ABCC3: variants seen among roughly 807,000 people sequenced by gnomAD.
ABCC3 encodes the protein ATP binding cassette subfamily C member 3.
ABCC3 carries 121 observed loss-of-function variants against 165.3 expected under a neutral mutation model. The observed-to-expected ratio is 0.73, with a 90% CI of 0.63 to 0.85. ABCC3 has a LOEUF of 0.85. Ranked by LOEUF, ABCC3 falls within the 40% of genes least tolerant of loss-of-function variation. The probability of loss-of-function intolerance (pLI) is 0.00; values close to 1 mark genes in which losing one functional copy is unlikely to be tolerated. For missense variants in ABCC3, 1,869 were observed against 1,964.1 expected (o/e 0.95, Z 0.92); for synonymous variants, 733 against 810.1 (o/e 0.90, Z 1.62).
intron 17 of ABCC3, among the ~76,000 whole-genome samples, chr17:50,671,558 G>A (rs888825014): frequency 2.6e-5 from 4 of 152,034 alleles, no homozygotes; most frequent in Non-Finnish European, 5.9e-5. Flanking sequence ...GTACAGTTAC[G>A]GAGGCTGAAG....
chr17:50,635,212 C>T, intron 1 of ABCC3: 1 of 622,454 alleles, frequency 1.6e-6, no homozygotes. Context: ...TTCCCGGCTG[C>T]AGCACTGGGG....
At chr17:50,660,808 A>T in intron 7 of ABCC3, 115 bp from the exon 8 acceptor site, 1 of 812,832 alleles carries the variant, frequency 1.2e-6, no homozygotes, top group East Asian at 2.7e-5. Flanking sequence ...CAGCTCTGAG[A>T]GCCAAGAAAA....
intron 17 of ABCC3, 35 bp from the exon 18 acceptor site, chr17:50,672,936 T>C: frequency 6.2e-7 from 1 of 1,604,170 alleles, no homozygotes; most frequent in Non-Finnish European, 8.5e-7. Context: ...TGTGCCTGTC[T>C]GACCCCATTT....
rs768308925 is a variant in ABCC3 at position 50,667,855 on chromosome 17, C to A, written c.1636-8C>A. ...ACTCTACCCTGACACCACCTCCACG[C>A]TGCTCAGGTGACCCTGATCACCCTC... On this transcript the variant is annotated splice_region_variant and splice_polypyrimidine_tract_variant and intron_variant, in intron 12 of 30. Transcript: ENST00000285238. The A allele has an allele frequency of 6.2e-7, 1 of 1,613,946 alleles. No individual in the cohort carries two copies. Among genetic ancestry groups the A allele is most frequent in the South Asian group, 1.1e-5 (1 of 91,064 alleles).
intron 11 of ABCC3, among the ~76,000 whole-genome samples, chr17:50,666,938 G>A (rs1457718158): frequency 6.6e-6 from 1 of 152,240 alleles, no homozygotes; most frequent in Non-Finnish European, 1.5e-5. Context: ...CAGGGAAGGG[G>A]ACCAGGTGTG....
At chr17:50,684,144 G>T (rs775210301) in intron 28 of ABCC3, 37 bp downstream of exon 28, 1 of 1,601,476 alleles carries the variant, frequency 6.2e-7, no homozygotes. Flanking sequence ...ACTCACCAAC[G>T]GCCCTGGAGG....
chr17:50,666,658 G>A (rs1967532770), intron 11 of ABCC3, among the ~76,000 whole-genome samples: 1 of 152,192 alleles, frequency 6.6e-6, no homozygotes, highest in Non-Finnish European at 1.5e-5. Flanking sequence ...TCCCCCATCA[G>A]ATCGTCAGCT....
At chr17:50,649,103 C>T (rs1236269543) in intron 1 of ABCC3, among the ~76,000 whole-genome samples, 1 of 138,128 alleles carries the variant, frequency 7.2e-6, no homozygotes, top group African/African-American at 2.6e-5. Context: ...CAGAGGGAGA[C>T]TCCATCTCAA....
At chr17:50,667,376 C>T (rs544275630) in intron 11 of ABCC3, among the ~76,000 whole-genome samples, 178 bp from the exon 12 acceptor site, 1 of 152,154 alleles carries the variant, frequency 6.6e-6, no homozygotes, top group African/African-American at 2.4e-5. Flanking sequence ...CACAGGGAGG[C>T]AGGGGCTGTG....
chr17:50,684,143 C>G, intron 28 of ABCC3, 36 bp downstream of exon 28: 1 of 1,605,312 alleles, frequency 6.2e-7, no homozygotes, highest in Non-Finnish European at 8.5e-7. Context: ...CACTCACCAA[C>G]GGCCCTGGAG....
chr17:50,671,332 T>C (rs1967642690), intron 17 of ABCC3, among the ~76,000 whole-genome samples: 1 of 152,076 alleles, frequency 6.6e-6, no homozygotes, highest in Admixed American at 6.6e-5. Context: ...TACATTTACA[T>C]TGCTGTGCAA....
intron 25 of ABCC3, 177 bp from the exon 26 acceptor site, chr17:50,679,621 T>A: frequency 1.7e-6 from 1 of 573,106 alleles, no homozygotes; most frequent in Non-Finnish European, 3.2e-6. Context: ...CCCAAGGGAG[T>A]CATTCGTGAT....
rs141734012 is a variant in ABCC3, at chr17:50,660,681, G to C, written c.807-242G>C. Among the ~76,000 whole-genome samples, 38 of 152,276 alleles carry C rather than the reference G, an allele frequency of 2.5e-4. No homozygotes were observed. The Middle Eastern group carries it at 0.017, about 68-fold the overall frequency. ...GGGGAGGCGGGGAGAGGGCCAGACTGGGGGGATAGCTGGGTTTTAGAGTCC... is the reference window on the plus strand; with the variant it reads ...GGGGAGGCGGGGAGAGGGCCAGACTCGGGGGATAGCTGGGTTTTAGAGTCC... On this transcript the variant is annotated intron_variant, in intron 7 of 30. Transcript: ENST00000285238.
chr17:50,671,722 T>C (rs1967651145), intron 17 of ABCC3, among the ~76,000 whole-genome samples: 1 of 132,602 alleles, frequency 7.5e-6, no homozygotes, highest in African/African-American at 3.1e-5. Flanking sequence ...TTTTTTTTTT[T>C]TTTTTTTTTT....
intron 10 of ABCC3, chr17:50,664,794 G>T: frequency 4.7e-6 from 1 of 214,350 alleles, no homozygotes; most frequent in Middle Eastern, 1.9e-3. Context: ...GGATGCTGAT[G>T]TCTGCAAAGG....
At chr17:50,635,810 G>T (rs1358420727) in intron 1 of ABCC3, 3 of 571,358 alleles carry the variant, frequency 5.3e-6, no homozygotes, top group Non-Finnish European at 9.4e-6. Flanking sequence ...TTCAGCCCAG[G>T]AGTTTTAGAT....
intron 1 of ABCC3, among the ~76,000 whole-genome samples, chr17:50,643,852 G>C (rs1251414792): frequency 6.6e-6 from 1 of 152,108 alleles, no homozygotes; most frequent in Non-Finnish European, 1.5e-5. Context: ...GCCATGGGGG[G>C]GGTCTTGAGG....
chr17:50,687,313 T>G, intron 29 of ABCC3: 1 of 505,896 alleles, frequency 2.0e-6, no homozygotes, highest in Admixed American at 3.3e-5. Context: ...AGACCAGGGA[T>G]TTCACAATGC....
intron 7 of ABCC3, among the ~76,000 whole-genome samples, chr17:50,659,672 A>G (rs564006225): frequency 6.7e-6 from 1 of 150,284 alleles, no homozygotes; most frequent in Non-Finnish European, 1.5e-5. Context: ...GGTAGGTTCA[A>G]GTGTCCCTGT....
Sources: allele counts gnomAD v4.1 joint callset (sites outside exome capture counted in the v4.1 genomes callset), GRCh38; gene constraint gnomAD v4.1.1; transcripts MANE v1.5; gene names NCBI Gene and HGNC (gene_info 2026-07-23, HGNC 2026-07-21).